The following VPS35 variants were observed in gnomAD, a reference collection of about 807,000 sequenced individuals.
VPS35 encodes the protein VPS35 retromer complex component, also known as vacuolar protein sorting-associated protein 35.
In VPS35, 21 loss-of-function variants were observed where a neutral mutation model predicts 98.1. The observed-to-expected ratio is 0.21, with a 90% CI of 0.15 to 0.31. VPS35 has a LOEUF of 0.31. Among genes scored for constraint, VPS35 ranks in the 10% least tolerant of loss-of-function variants. The pLI, the probability that VPS35 is intolerant of heterozygous loss-of-function variation, is 1.00. For missense variants in VPS35, 554 were observed against 950.8 expected (o/e 0.58, Z 5.49); for synonymous variants, 268 against 318.2 (o/e 0.84, Z 1.68).
intron 1 of VPS35, among the ~76,000 whole-genome samples, chr16:46,686,676 G>A (rs1270398791): frequency 2.0e-5 from 3 of 152,172 alleles, no homozygotes; most frequent in African/African-American, 7.2e-5. Context: ...GTCACATAGA[G>A]CCTTAACAGT....
chr16:46,687,103 T>C (rs1262320382), intron 1 of VPS35, among the ~76,000 whole-genome samples: 4 of 152,258 alleles, frequency 2.6e-5, no homozygotes, highest in African/African-American at 9.6e-5. Flanking sequence ...TCAGTTTAGA[T>C]ACAAATAATT....
At chr16:46,660,798 A>G (rs1965900923) in intron 16 of VPS35, 147 bp from the exon 17 acceptor site, 1 of 444,242 alleles carries the variant, frequency 2.3e-6, no homozygotes, top group Non-Finnish European at 4.3e-6. Flanking sequence ...TACAATTCCT[A>G]GTTTGAACAA....
At chr16:46,674,115 A>G (rs1281426241) in intron 10 of VPS35, among the ~76,000 whole-genome samples, 199 bp downstream of exon 10, 9 of 152,208 alleles carry the variant, frequency 5.9e-5, no homozygotes, top group Admixed American at 3.3e-4. Flanking sequence ...CCTATGGTCC[A>G]TAGGTACCAC....
At chr16:46,674,514 G>A in intron 9 of VPS35, 50 bp downstream of exon 9, 2 of 1,605,814 alleles carry the variant, frequency 1.2e-6, no homozygotes, top group Non-Finnish European at 1.7e-6. Flanking sequence ...GTAAAAGGAA[G>A]GCAGAGAAGT....
rs1966113112 is a variant in VPS35, at chr16:46,674,397, C to T, written c.1077G>A (p.Met359Ile). 3 of 1,613,768 alleles carry T rather than the reference C, an allele frequency of 1.9e-6. No individual in the cohort carries two copies. Among genetic ancestry groups the T allele is most frequent in the Admixed American group, 1.7e-5 (1 of 59,948 alleles). Residue 359 changes from methionine (M) to isoleucine (I), a missense_variant, in exon 10 of 17, where the codon ATG (methionine) becomes ATA (isoleucine). Around this residue, in one of 5 missense-constraint regions of VPS35, gnomAD observed 254 missense variants for 390.1 expected, o/e 0.65. Transcript: ENST00000299138. ...SLQVSLINLA[M>I]KCYPDRVDYV... ...AGTCCACACGATCAGGGTAACATTT[C>T]ATGGCAAGATTAATCAGAGAGACTT... is the stretch of plus-strand genomic sequence containing the variant.
chr16:46,665,708 T>C (rs945572860), intron 13 of VPS35, among the ~76,000 whole-genome samples: 4 of 152,158 alleles, frequency 2.6e-5, no homozygotes, highest in African/African-American at 9.7e-5. Flanking sequence ...TTGCCCTAAA[T>C]CGTTTTGATC....
Position 46,668,923 on chromosome 16 carries a change from A to T in VPS35, c.1647+7T>A. On this transcript the variant is annotated splice_region_variant and intron_variant, in intron 13 of 16. Coordinates refer to ENST00000299138, the MANE Select transcript of VPS35 (RefSeq NM_018206.6). ...AAAAGTACCTAAATACTTAAAAGTA[A>T]ACTCACCACTTTAGAATTCTCTTTA... 1 of 1,614,118 alleles carries T rather than the reference A, an allele frequency of 6.2e-7. No individual in the cohort carries two copies. Among genetic ancestry groups the T allele is most frequent in the South Asian group, 1.1e-5 (1 of 91,084 alleles).
chr16:46,688,577 G>C (rs1966361440), intron 1 of VPS35: 1 of 994,050 alleles, frequency 1.0e-6, no homozygotes, highest in African/African-American at 1.7e-5. Flanking sequence ...ATTCATGTAA[G>C]CAGGTCCCCA....
chr16:46,681,563 T>A (rs1966235866), intron 3 of VPS35, 63 bp from the exon 4 acceptor site: 1 of 1,586,168 alleles, frequency 6.3e-7, no homozygotes, highest in Admixed American at 1.7e-5. Flanking sequence ...CTTTGAAACT[T>A]GTTGGAGTCA....
intron 10 of VPS35, 64 bp from the exon 11 acceptor site, chr16:46,672,536 T>C: frequency 6.9e-7 from 1 of 1,439,390 alleles, no homozygotes; most frequent in East Asian, 2.3e-5. Context: ...CAAATAGCAT[T>C]TGTTCCATAA....
chr16:46,660,757 C>T, intron 16 of VPS35, 106 bp from the exon 17 acceptor site: 3 of 706,630 alleles, frequency 4.2e-6, no homozygotes, highest in Admixed American at 4.6e-5. Context: ...CATCAATTAC[C>T]TGAGTAATTA....
At chr16:46,679,185 A>C (rs898189300) in intron 5 of VPS35, 29 bp from the exon 6 acceptor site, 1 of 1,560,958 alleles carries the variant, frequency 6.4e-7, no homozygotes, top group East Asian at 2.4e-5. Flanking sequence ...GTCTTTACAC[A>C]GTATTTACAG....
intron 8 of VPS35, 54 bp from the exon 9 acceptor site, chr16:46,674,714 G>A: frequency 6.5e-6 from 9 of 1,384,806 alleles, no homozygotes; most frequent in Non-Finnish European, 8.9e-6. Flanking sequence ...TTTGGGTAGT[G>A]AGATCATGGA....
intron 5 of VPS35, 25 bp from the exon 6 acceptor site, chr16:46,679,181 A>G: frequency 6.4e-7 from 1 of 1,572,392 alleles, no homozygotes; most frequent in Non-Finnish European, 8.7e-7. Flanking sequence ...AAAAGTCTTT[A>G]CACAGTATTT....
intron 4 of VPS35, 115 bp downstream of exon 4, chr16:46,681,262 T>C (rs1373667476): frequency 1.1e-5 from 15 of 1,393,064 alleles, no homozygotes; most frequent in Non-Finnish European, 1.4e-5. Flanking sequence ...AAAATGTTCA[T>C]CTCAATTTGT....
At position 46,682,131 on chromosome 16, in the gene VPS35, C is replaced by T. The variant is rs1966245031; in HGVS notation, c.147G>A (p.Met49Ile). The T allele has an allele frequency of 6.2e-7, 1 of 1,613,434 alleles. No individual in the cohort carries two copies. The highest frequency in any genetic ancestry group is 8.5e-7 in the Non-Finnish European group (1 of 1,179,654). The change falls in exon 3 of 17, where the codon ATG becomes ATA. Residue 49 changes from methionine to isoleucine, a missense_variant. This residue lies in a region of VPS35 where 67 missense variants were observed against 103.3 expected (regional missense o/e 0.65). Transcript: ENST00000299138. ...ACATAGAAGTCCGGAGTTCACCAAGCATATTAGAAGCATGTTTTAGAGCAT... is the reference window on the plus strand; with the variant it reads ...ACATAGAAGTCCGGAGTTCACCAAGTATATTAGAAGCATGTTTTAGAGCAT... Reference protein sequence around the residue: ...LMDALKHASNMLGELRTSMLS... With the variant: ...LMDALKHASNILGELRTSMLS...
rs546485076 is a variant in VPS35, at chr16:46,663,862, ATTTTTTTTTTTT to A, written c.1648-712_1648-701del. Among the ~76,000 whole-genome samples, 12 of 28,676 alleles carry A rather than the reference ATTTTTTTTTTTT, an allele frequency of 4.2e-4. No individual in the cohort carries two copies. In the East Asian group the frequency reaches 7.1e-3, roughly 17 times the overall value. 18.8% of individuals were successfully genotyped at this position (28,676 alleles called of 152,430 possible). A position where few individuals can be genotyped will look rare whatever the true frequency, so the allele number is the denominator to read the frequency against. On this transcript the variant is annotated intron_variant, in intron 13 of 16. Transcript: ENST00000299138. Reference sequence around the variant, plus strand: ...AGGCTTGCATCACCACACCTGGCTAATTTTTTTTTTTTTTTTTTTTTTTTTTTTTGTAGAGAC... The same window carrying A: ...AGGCTTGCATCACCACACCTGGCTAATTTTTTTTTTTTTTTTTGTAGAGAC...
chr16:46,662,586 A>G, intron 14 of VPS35, 104 bp from the exon 15 acceptor site: 1 of 1,549,282 alleles, frequency 6.5e-7, no homozygotes, highest in South Asian at 1.1e-5. Context: ...AGACTTCTGC[A>G]GCCTTCATAT....
intron 3 of VPS35, 50 bp downstream of exon 3, chr16:46,682,029 C>G (rs761640236): frequency 8.9e-6 from 13 of 1,460,614 alleles, no homozygotes; most frequent in Non-Finnish European, 1.2e-5. Context: ...TAGGCCTTAT[C>G]AAGAAAAAGG....
Sources: gnomAD v4.1 joint callset for allele counts (sites outside exome capture counted in the v4.1 genomes callset) on GRCh38, gnomAD v4.1.1 for gene constraint, gnomAD v4.1.1 regional missense constraint, MANE v1.5 for transcripts, NCBI Gene and HGNC (gene_info 2026-07-23, HGNC 2026-07-21) for gene names.